The following GPR137C variants were observed in gnomAD, a reference collection of about 807,000 sequenced individuals.
GPR137C encodes the protein integral membrane protein GPR137C.
In GPR137C, 27 loss-of-function variants were observed where a neutral mutation model predicts 43.4. That is an observed-to-expected ratio of 0.62 (90% confidence interval 0.46 to 0.86). The LOEUF is 0.86. Among genes scored for constraint, GPR137C ranks in the 40% least tolerant of loss-of-function variants. GPR137C has a pLI of 0.00. For missense variants in GPR137C, 522 were observed against 534.6 expected (o/e 0.98, Z 0.23); for synonymous variants, 285 against 226.9 (o/e 1.26, Z -2.30).
chr14:52,593,593 T>A (rs772882989), intron 1 of GPR137C, among the ~76,000 whole-genome samples: 2 of 152,234 alleles, frequency 1.3e-5, no homozygotes, highest in Non-Finnish European at 2.9e-5. Flanking sequence ...ATCCATTTCT[T>A]CTGGATTTTC....
chr14:52,562,980 T>A (rs923507470), intron 1 of GPR137C, among the ~76,000 whole-genome samples: 1 of 152,196 alleles, frequency 6.6e-6, no homozygotes, highest in African/African-American at 2.4e-5. Context: ...TATATCAACA[T>A]TTTCTCACTT....
intron 1 of GPR137C, among the ~76,000 whole-genome samples, chr14:52,570,649 A>G (rs1162633316): frequency 6.6e-6 from 1 of 152,210 alleles, no homozygotes; most frequent in African/African-American, 2.4e-5. Context: ...GGGATGGAGG[A>G]ATATTTACCA....
At chr14:52,553,625 C>G in intron 1 of GPR137C, 34 bp downstream of exon 1, 4 of 1,442,152 alleles carry the variant, frequency 2.8e-6, no homozygotes, top group South Asian at 2.8e-5. Flanking sequence ...GGGGCCCGGG[C>G]GGGTGCGCGG....
At chr14:52,569,574 A>T (rs550513962) in intron 1 of GPR137C, among the ~76,000 whole-genome samples, 1 of 152,102 alleles carries the variant, frequency 6.6e-6, no homozygotes, top group South Asian at 2.1e-4. Context: ...GCTAGCCAGA[A>T]TAACCAGTTT....
At chr14:52,564,957 A>G (rs1304847196) in intron 1 of GPR137C, among the ~76,000 whole-genome samples, 2 of 150,504 alleles carry the variant, frequency 1.3e-5, no homozygotes, top group East Asian at 4.0e-4. Context: ...TTGCTTTAAA[A>G]CAAAAGTCCC....
chr14:52,560,501 G>C (rs1318488952), intron 1 of GPR137C, among the ~76,000 whole-genome samples: 1 of 152,202 alleles, frequency 6.6e-6, no homozygotes, highest in Non-Finnish European at 1.5e-5. Flanking sequence ...CGCACTACTT[G>C]AAGAGTAACT....
chr14:52,592,765 TG>T (rs1288929158), intron 1 of GPR137C, among the ~76,000 whole-genome samples: 1 of 152,218 alleles, frequency 6.6e-6, no homozygotes, highest in Non-Finnish European at 1.5e-5. Flanking sequence ...TATACAATCA[TG>T]TCATCTGCAA....
At chr14:52,609,342 C>G (rs2039014512) in intron 3 of GPR137C, among the ~76,000 whole-genome samples, 1 of 151,980 alleles carries the variant, frequency 6.6e-6, no homozygotes, top group Non-Finnish European at 1.5e-5. Flanking sequence ...GTTCATTGAC[C>G]TTCCTTAAAA....
intron 3 of GPR137C, among the ~76,000 whole-genome samples, chr14:52,625,482 A>C (rs1451913279): frequency 2.2e-5 from 3 of 134,542 alleles, no homozygotes; most frequent in African/African-American, 5.3e-5. Context: ...ACTCCATCCC[A>C]AAAAAAAAAA....
chr14:52,584,450 G>A (rs1378001686), intron 1 of GPR137C, among the ~76,000 whole-genome samples: 2 of 152,170 alleles, frequency 1.3e-5, no homozygotes, highest in African/African-American at 4.8e-5. Context: ...CTGGATAGAT[G>A]TCCTCACAGA....
In GPR137C at chr14:52,636,052, A is replaced by C. The variant is rs1441929965; in HGVS notation, c.*937A>C. On this transcript the variant is annotated 3_prime_UTR_variant, in exon 7 of 7. Transcript: ENST00000321662. Reference sequence around the variant, plus strand: ...AGCTGGTCTTACCTAGTGAATCAGGATTGTCCTCAGGTAAATGAAATCATG... The same window carrying C: ...AGCTGGTCTTACCTAGTGAATCAGGCTTGTCCTCAGGTAAATGAAATCATG... 1.3e-5 allele frequency: 2 copies of C among 152,096 alleles called. No individual in the cohort carries two copies. The highest frequency in any genetic ancestry group is 2.4e-5 in the African/African-American group (1 of 41,444). The allele number at this position is 152,096 out of a possible 1,614,324, so 9.4% of individuals were successfully genotyped here.
At chr14:52,567,563 T>C (rs1266049827) in intron 1 of GPR137C, among the ~76,000 whole-genome samples, 1 of 152,104 alleles carries the variant, frequency 6.6e-6, no homozygotes, top group Non-Finnish European at 1.5e-5. Flanking sequence ...GCAGGTCTTC[T>C]GACTACACTG....
At chr14:52,592,629 G>A (rs1479734251) in intron 1 of GPR137C, among the ~76,000 whole-genome samples, 2 of 152,058 alleles carry the variant, frequency 1.3e-5, no homozygotes, top group African/African-American at 4.8e-5. Context: ...TTGCCTCTCT[G>A]TTTGTCTGTT....
intron 1 of GPR137C, among the ~76,000 whole-genome samples, chr14:52,594,928 A>T (rs2038833217): frequency 6.6e-6 from 1 of 152,104 alleles, no homozygotes; most frequent in Non-Finnish European, 1.5e-5. Flanking sequence ...GATCTGTATA[A>T]TTTGGCATGT....
chr14:52,624,910 C>A (rs920350647), intron 3 of GPR137C, among the ~76,000 whole-genome samples: 1 of 152,160 alleles, frequency 6.6e-6, no homozygotes, highest in East Asian at 1.9e-4. Context: ...AAACATCTTA[C>A]AGACATTAAA....
At chr14:52,575,724 A>G (rs1036668157) in intron 1 of GPR137C, among the ~76,000 whole-genome samples, 6 of 152,222 alleles carry the variant, frequency 3.9e-5, no homozygotes, top group Non-Finnish European at 8.8e-5. Context: ...CAGGATCCCT[A>G]TGAGCCTTGA....
chr14:52,571,012 C>G (rs1184838486), intron 1 of GPR137C, among the ~76,000 whole-genome samples: 1 of 152,190 alleles, frequency 6.6e-6, no homozygotes, highest in African/African-American at 2.4e-5. Context: ...ACAGAATTCT[C>G]CACCCCAAAT....
chr14:52,591,184 G>A (rs1566613697), intron 1 of GPR137C, among the ~76,000 whole-genome samples: 1 of 152,094 alleles, frequency 6.6e-6, no homozygotes, highest in Non-Finnish European at 1.5e-5. Flanking sequence ...TGGCTGTGTA[G>A]TATTCCATAT....
intron 1 of GPR137C, among the ~76,000 whole-genome samples, chr14:52,586,696 G>C (rs1297089507): frequency 6.6e-6 from 1 of 152,112 alleles, no homozygotes; most frequent in Non-Finnish European, 1.5e-5. Context: ...CTGAGTTTCA[G>C]CTGTCACCTC....
Sources: gnomAD v4.1 joint callset for allele counts (sites outside exome capture counted in the v4.1 genomes callset) on GRCh38, gnomAD v4.1.1 for gene constraint, MANE v1.5 for transcripts, NCBI Gene and HGNC (gene_info 2026-07-23, HGNC 2026-07-21) for gene names.